PEAK1: variants seen among roughly 807,000 people sequenced by gnomAD.
PEAK1 encodes pseudopodium enriched atypical kinase 1.
A neutral mutation model predicts 124.7 loss-of-function variants in PEAK1; 54 were observed. The ratio of observed to expected loss-of-function variants is 0.43; its 90% confidence interval spans 0.35 to 0.54. PEAK1 has a LOEUF of 0.54. Among genes scored for constraint, PEAK1 ranks in the 20% least tolerant of loss-of-function variants. PEAK1 has a pLI of 0.01. For missense variants in PEAK1, 2,046 were observed against 2,134.5 expected (o/e 0.96, Z 0.82); for synonymous variants, 719 against 760.0 (o/e 0.95, Z 0.89).
exon 7 of PEAK1, chr15:77,103,126 A>G (rs1408742327): frequency 6.6e-6 from 1 of 152,138 alleles, no homozygotes; most frequent in East Asian, 1.9e-4. Flanking sequence ...CTTTTAAGAA[A>G]TACTTTGTCC....
At position 77,114,502 on chromosome 15, in the gene PEAK1, G is replaced by C. The variant is rs1348088593; in HGVS notation, c.4895C>G (p.Ser1632Cys). The stretch of plus-strand genomic sequence containing the variant: ...CTGCTGCAGACCCCGGGAGTAGGGG[G>C]AGCGGAATGGGATGCGAGGCAGGTC... ...RADLPRIPFR[S>C]PYSRGLQQLA... The change falls in exon 10 of 10, where the codon TCC becomes TGC. Residue 1632 changes from serine to cysteine, a missense_variant. Coordinates refer to ENST00000682557, the MANE Select transcript of PEAK1 (RefSeq NM_001385026.1). 2 of 1,614,050 alleles carry C rather than the reference G, an allele frequency of 1.2e-6. No homozygotes were observed. The highest frequency in any genetic ancestry group is 4.5e-5 in the East Asian group (2 of 44,848).
rs775224531 is a variant in PEAK1 at position 77,179,556 on chromosome 15, A to G, written c.2371T>C (p.Cys791Arg). ...PETPQSGPKACSVEELYAIPP... is the reference protein window; with the variant it reads ...PETPQSGPKARSVEELYAIPP... ...ATGGCATAAAGCTCTTCCACACTGC[A>G]AGCTTTAGGGCCAGATTGAGGTGTT... The change falls in exon 7 of 10, where the codon TGC becomes CGC. Residue 791 changes from cysteine (C) to arginine (R), a missense_variant. Cys to Arg is a radical substitution (Grantham distance 180, BLOSUM62 -3). Coordinates refer to ENST00000682557, the MANE Select transcript of PEAK1 (RefSeq NM_001385026.1). 1.6e-5 allele frequency: 26 copies of G among 1,614,010 alleles called. No homozygotes were observed. In the South Asian group the frequency reaches 2.1e-4, roughly 13 times the overall value.
At chr15:77,229,214 T>G (rs2059802632) in intron 6 of PEAK1, among the ~76,000 whole-genome samples, 1 of 152,114 alleles carries the variant, frequency 6.6e-6, no homozygotes, top group Admixed American at 6.6e-5. Flanking sequence ...CTACTACATT[T>G]GAAAAAAACA....
intron 7 of PEAK1, among the ~76,000 whole-genome samples, chr15:77,161,965 C>CAAAAAAAAAAA (rs33972250): frequency 2.4e-5 from 2 of 84,458 alleles, no homozygotes; most frequent in African/African-American, 5.1e-5. Flanking sequence ...GACTCTGTCT[C>CAAAAAAAAAAA]AAAAAAAAAA....
intron 6 of PEAK1, among the ~76,000 whole-genome samples, chr15:77,222,640 T>C (rs1233250966): frequency 6.6e-6 from 1 of 151,902 alleles, no homozygotes; most frequent in Non-Finnish European, 1.5e-5. Flanking sequence ...TCTTGGTGAT[T>C]GATTTTTCTT....
chr15:77,183,014 T>C (rs1445369628), intron 6 of PEAK1, among the ~76,000 whole-genome samples: 1 of 151,378 alleles, frequency 6.6e-6, no homozygotes, highest in Admixed American at 6.6e-5. Flanking sequence ...CACTGATAGA[T>C]GAAGGGGGGA....
intron 2 of PEAK1, among the ~76,000 whole-genome samples, chr15:77,361,611 T>G (rs1254975318): frequency 2.0e-5 from 3 of 152,150 alleles, no homozygotes; most frequent in Admixed American, 6.5e-5. Flanking sequence ...AAAGGAACTC[T>G]TATATACTGC....
chr15:77,402,823 G>GT, intron 1 of PEAK1: 1 of 984,890 alleles, frequency 1.0e-6, no homozygotes, highest in Non-Finnish European at 1.2e-6. Context: ...AAGCCATGTT[G>GT]TATGAAAAAA....
intron 1 of PEAK1, chr15:77,419,577 G>C (rs1018902235): frequency 5.8e-4 from 574 of 985,004 alleles, no homozygotes; most frequent in Non-Finnish European, 6.3e-4. Context: ...GTGTGGACCC[G>C]GCAGGAGCCA....
intron 2 of PEAK1, among the ~76,000 whole-genome samples, chr15:77,325,587 T>C (rs1018661139): frequency 1.3e-5 from 2 of 152,116 alleles, no homozygotes; most frequent in African/African-American, 4.8e-5. Flanking sequence ...TTCATCTCCT[T>C]GTAAAGTTTC....
intron 5 of PEAK1, among the ~76,000 whole-genome samples, chr15:77,268,015 A>AAAT (rs1232492399): frequency 2.0e-5 from 3 of 152,230 alleles, no homozygotes; most frequent in Non-Finnish European, 2.9e-5. Flanking sequence ...ATAAATAAAA[A>AAAT]CTAATCACAA....
chr15:77,365,460 G>A (rs775005691), intron 1 of PEAK1, among the ~76,000 whole-genome samples: 62 of 152,110 alleles, frequency 4.1e-4, no homozygotes, highest in South Asian at 2.1e-4. Flanking sequence ...AAAACAGGCC[G>A]GGCACGGCGG....
chr15:77,243,373 G>A (rs2060440786), intron 6 of PEAK1, among the ~76,000 whole-genome samples: 1 of 152,142 alleles, frequency 6.6e-6, no homozygotes, highest in Admixed American at 6.5e-5. Context: ...CATGGCAACT[G>A]CATAAACATT....
exon 7 of PEAK1, chr15:77,101,716 G>A (rs541636402): frequency 7.9e-5 from 12 of 152,272 alleles, no homozygotes; most frequent in African/African-American, 2.6e-4. Context: ...TGGAGTCACT[G>A]GACTTGGGTG....
chr15:77,350,013 A>G, intron 2 of PEAK1: 2 of 984,798 alleles, frequency 2.0e-6, no homozygotes, highest in Non-Finnish European at 2.4e-6. Context: ...GTTTAAGAAG[A>G]AGACATAGAA....
At position 77,133,872 on chromosome 15, in the gene PEAK1, T is replaced by A. The variant is rs2053095326; in HGVS notation, c.3332-122A>T. The A allele has an allele frequency of 9.0e-7, 1 of 1,117,194 alleles. No individual in the cohort carries two copies. Among genetic ancestry groups the A allele is most frequent in the Non-Finnish European group, 1.2e-6 (1 of 817,662 alleles). The allele number at this position is 1,117,194 out of a possible 1,614,324, so 69.2% of individuals were successfully genotyped here. On this transcript the variant is annotated intron_variant, in intron 8 of 9. Transcript: ENST00000682557. This position sits in a 1 kb window ranked among gnomAD's most constrained non-coding sequence, Gnocchi z 4.2. ...TGGGAATGTAAGAATAAGTCAACTC[T>A]TTAGTTCAAAATGGGAAAAGAGAAC...
intron 6 of PEAK1, among the ~76,000 whole-genome samples, chr15:77,214,953 A>G (rs1225650950): frequency 6.6e-6 from 1 of 152,190 alleles, no homozygotes; most frequent in African/African-American, 2.4e-5. Flanking sequence ...ACACAGAACC[A>G]ACCATATCAA....
intron 2 of PEAK1, among the ~76,000 whole-genome samples, chr15:77,295,397 T>A (rs569621652): frequency 1.3e-5 from 2 of 152,262 alleles, no homozygotes; most frequent in African/African-American, 4.8e-5. Flanking sequence ...TGAGAAGTGA[T>A]CTTCACTTTT....
At chr15:77,329,263 G>A (rs2065761235) in intron 2 of PEAK1, among the ~76,000 whole-genome samples, 1 of 152,124 alleles carries the variant, frequency 6.6e-6, no homozygotes, top group African/African-American at 2.4e-5. Flanking sequence ...GTTCTTCTGA[G>A]AGTAAAAAGC....
Sources: gnomAD v4.1 joint callset for allele counts (sites outside exome capture counted in the v4.1 genomes callset) on GRCh38, gnomAD v4.1.1 for gene constraint, Gnocchi (gnomAD v3.1) non-coding constraint, MANE v1.5 for transcripts, NCBI Gene and HGNC (gene_info 2026-07-23, HGNC 2026-07-21) for gene names.